NETO1: variants seen among roughly 807,000 people sequenced by gnomAD.
NETO1 encodes the protein neuropilin and tolloid like 1.
In NETO1, 26 loss-of-function variants were observed where a neutral mutation model predicts 61.3. The observed-to-expected ratio is 0.42, with a 90% confidence interval of 0.31 to 0.59. The LOEUF is 0.59. NETO1 is among the 20% of genes least tolerant of loss of function. The probability of loss-of-function intolerance (pLI) is 0.12; values close to 1 mark genes in which losing one functional copy is unlikely to be tolerated. For synonymous variants in NETO1, 225 were observed against 225.8 expected (o/e 1.00, Z 0.03); for missense variants, 531 against 662.8 (o/e 0.80, Z 2.18).
At chr18:72,859,856 T>C (rs1021304906) in intron 3 of NETO1, among the ~76,000 whole-genome samples, 1 of 152,142 alleles carries the variant, frequency 6.6e-6, no homozygotes, top group Non-Finnish European at 1.5e-5. Context: ...AAATCTGATC[T>C]TGAAAGACAA....
intron 4 of NETO1, among the ~76,000 whole-genome samples, chr18:72,852,839 T>TC (rs1480999597): frequency 2.7e-5 from 4 of 149,874 alleles, no homozygotes; most frequent in Non-Finnish European, 1.5e-5. Flanking sequence ...TTTTCTTTTT[T>TC]TTTTTTTTTT....
chr18:72,807,682 A>C (rs1049330938), intron 4 of NETO1, among the ~76,000 whole-genome samples: 2 of 151,582 alleles, frequency 1.3e-5, no homozygotes, highest in Non-Finnish European at 2.9e-5. Flanking sequence ...TCAGACGATC[A>C]AAAATGGGCA....
chr18:72,865,793 C>G lies in NETO1; in HGVS notation c.29-552G>C, dbSNP rs58167271. 4,879 of 1,137,936 alleles carry G rather than the reference C, an allele frequency of 4.3e-3. 128 individuals carry two copies. The African/African-American group carries it at 0.062, about 14-fold the overall frequency. 70.5% of individuals were successfully genotyped at this position (1,137,936 alleles called of 1,614,324 possible). The stretch of plus-strand genomic sequence containing the variant: ...TAATGTGGATTGTGGGCATTAAGCA[C>G]CATTATTGGAATGTTGCCTACAAAA... On this transcript the variant is annotated intron_variant, in intron 1 of 10. Coordinates refer to ENST00000327305, the MANE Select transcript of NETO1 (RefSeq NM_138966.5).
chr18:72,822,650 C>T (rs2073237983), intron 4 of NETO1, among the ~76,000 whole-genome samples: 2 of 152,170 alleles, frequency 1.3e-5, no homozygotes, highest in Admixed American at 1.3e-4. Context: ...TTTTGCACAT[C>T]TTGTAATTGT....
intron 4 of NETO1, among the ~76,000 whole-genome samples, chr18:72,797,129 A>G (rs1480221277): frequency 6.6e-6 from 1 of 152,144 alleles, no homozygotes; most frequent in African/African-American, 2.4e-5. Context: ...ATGCTTAATT[A>G]TATTCATAAT....
intron 4 of NETO1, among the ~76,000 whole-genome samples, chr18:72,853,764 A>AAG (rs1229949323): frequency 6.6e-6 from 1 of 151,628 alleles, no homozygotes; most frequent in Non-Finnish European, 1.5e-5. Flanking sequence ...AAAAAAAAAA[A>AAG]AGAAAAAAGT....
At chr18:72,762,717 C>A (rs886910559) in intron 7 of NETO1, among the ~76,000 whole-genome samples, 6 of 152,190 alleles carry the variant, frequency 3.9e-5, no homozygotes, top group African/African-American at 1.4e-4. Context: ...ATTATTACCA[C>A]AAGGTGGCGA....
At chr18:72,861,233 T>G (rs528273807) in intron 3 of NETO1, among the ~76,000 whole-genome samples, 1 of 152,366 alleles carries the variant, frequency 6.6e-6, no homozygotes, top group East Asian at 1.9e-4. Flanking sequence ...CAACATTGTA[T>G]GTGGATGATT....
intron 4 of NETO1, among the ~76,000 whole-genome samples, 158 bp from the exon 5 acceptor site, chr18:72,794,562 A>T (rs912469277): frequency 1.3e-5 from 2 of 152,204 alleles, no homozygotes; most frequent in Admixed American, 1.3e-4. Flanking sequence ...TTAAATAAAA[A>T]GTGCATAATG....
intron 4 of NETO1, among the ~76,000 whole-genome samples, chr18:72,798,519 T>C (rs2072395073): frequency 6.6e-6 from 1 of 152,192 alleles, no homozygotes; most frequent in African/African-American, 2.4e-5. Context: ...AGTGAGTTAA[T>C]GTACTTCAGT....
At position 72,843,928 on chromosome 18, in the gene NETO1, A is replaced by T. The variant is rs568443385; in HGVS notation, c.469+14898T>A. Among the ~76,000 whole-genome samples, 4 of 152,124 alleles carry T rather than the reference A, an allele frequency of 2.6e-5. No homozygotes were observed. The South Asian group carries it at 8.3e-4, about 32-fold the overall frequency. ...TAAGCGTATTAGCTCAAACTCATAT[A>T]ATGTTCTATTTTAATATGCGGATGT... On this transcript the variant is annotated intron_variant, in intron 4 of 10. Coordinates refer to ENST00000327305, the MANE Select transcript of NETO1 (RefSeq NM_138966.5).
intron 7 of NETO1, among the ~76,000 whole-genome samples, chr18:72,778,770 C>T (rs1263573287): frequency 1.3e-5 from 2 of 152,186 alleles, no homozygotes; most frequent in African/African-American, 4.8e-5. Flanking sequence ...AGACCAGGAT[C>T]AGCCTTAATG....
At chr18:72,821,233 C>CAAAAAAAAAAAAAA (rs1376528450) in intron 4 of NETO1, among the ~76,000 whole-genome samples, 1 of 45,524 alleles carries the variant, frequency 2.2e-5, no homozygotes. Context: ...TTCATATTAA[C>CAAAAAAAAAAAAAA]TAAAAAAAAA....
chr18:72,785,743 C>G (rs1448419260), intron 6 of NETO1, among the ~76,000 whole-genome samples: 5 of 152,208 alleles, frequency 3.3e-5, no homozygotes, highest in African/African-American at 1.2e-4. Context: ...TTCTTATCTC[C>G]CAACATTATA....
chr18:72,750,179 A>G lies in NETO1; in HGVS notation c.1424T>C (p.Ile475Thr), dbSNP rs368072233. The change falls in exon 9 of 11, where the codon ATC becomes ACC. Residue 475 changes from isoleucine (I) to threonine (T), a missense_variant. Ile to Thr is a moderately conservative substitution (Grantham distance 89). Transcript: ENST00000327305. ...PLIPPMNRRNILVMKHSYSQD... is the reference protein window; with the variant it reads ...PLIPPMNRRNTLVMKHSYSQD... ...CGAGTAGCTGTGTTTCATGACAAGG[A>G]TATTTCTTCTGTTCATGGGTGGGAT... 1.9e-5 allele frequency: 30 copies of G among 1,613,958 alleles called. No individual in the cohort carries two copies. Among genetic ancestry groups the G allele is most frequent in the African/African-American group, 2.7e-5 (2 of 74,980 alleles).
At chr18:72,789,511 A>G (rs965154362) in intron 6 of NETO1, among the ~76,000 whole-genome samples, 2 of 152,142 alleles carry the variant, frequency 1.3e-5, no homozygotes, top group Non-Finnish European at 2.9e-5. Flanking sequence ...TTATCTCTGT[A>G]ATCAATTACA....
intron 5 of NETO1, 53 bp from the exon 6 acceptor site, chr18:72,794,297 C>T: frequency 6.2e-7 from 1 of 1,613,740 alleles, no homozygotes; most frequent in Non-Finnish European, 8.5e-7. Context: ...GAATAATAAA[C>T]CAAAAGTGTA....
chr18:72,742,510 C>T (rs986177272), downstream of NETO1: 2 of 152,110 alleles, frequency 1.3e-5, no homozygotes, highest in Non-Finnish European at 2.9e-5. Flanking sequence ...GTCATTTGAA[C>T]CTCACACGCT....
chr18:72,831,913 T>G (rs1375789429), intron 4 of NETO1, among the ~76,000 whole-genome samples: 1 of 152,214 alleles, frequency 6.6e-6, no homozygotes, highest in African/African-American at 2.4e-5. Context: ...CTCTTCTAAG[T>G]GCTTCAATAT....
Sources: gnomAD v4.1 joint callset for allele counts (sites outside exome capture counted in the v4.1 genomes callset) on GRCh38, gnomAD v4.1.1 for gene constraint, MANE v1.5 for transcripts, NCBI Gene and HGNC (gene_info 2026-07-23, HGNC 2026-07-21) for gene names.